The following GOLGB1 variants were observed in gnomAD, a reference collection of about 807,000 sequenced individuals.
The protein encoded by GOLGB1 is golgin B1, also known as golgin subfamily B member 1.
In GOLGB1, 174 loss-of-function variants were observed where a neutral mutation model predicts 336.9. The ratio of observed to expected loss-of-function variants is 0.52; its 90% confidence interval spans 0.46 to 0.59. GOLGB1 has a LOEUF of 0.59. GOLGB1 is among the 20% of genes least tolerant of loss of function. GOLGB1 has a pLI of 0.00. For synonymous variants in GOLGB1, 1,208 were observed against 1,289.2 expected (o/e 0.94, Z 1.35); for missense variants, 3,331 against 3,645.3 (o/e 0.91, Z 2.22).
chr3:121,739,328 A>G (rs575626012), intron 1 of GOLGB1, among the ~76,000 whole-genome samples: 2 of 152,332 alleles, frequency 1.3e-5, no homozygotes, highest in South Asian at 2.1e-4. Context: ...AAGAAAAAAA[A>G]GGAGGAAAAC....
chr3:121,666,858 T>C (rs753216639), intron 20 of GOLGB1, among the ~76,000 whole-genome samples: 4 of 152,190 alleles, frequency 2.6e-5, no homozygotes, highest in Admixed American at 6.5e-5. Context: ...AATAAGGAAC[T>C]AGGGATGTGT....
chr3:121,663,492 C>G lies in GOLGB1; in HGVS notation c.*988G>C, dbSNP rs1028048942. ...TTAATTTTGTCTTCTCTATATTCTC[C>G]TTCCATTGCCACAGAGGGCAGAGAC... On this transcript the variant is annotated 3_prime_UTR_variant, in exon 22 of 22. Coordinates refer to ENST00000614479, the MANE Select transcript of GOLGB1 (RefSeq NM_001366282.2). 4 of 152,210 alleles carry G rather than the reference C, an allele frequency of 2.6e-5. No individual in the cohort carries two copies. The highest frequency in any genetic ancestry group is 9.7e-5 in the African/African-American group (4 of 41,440). The allele number at this position is 152,210 out of a possible 1,614,324, so 9.4% of individuals were successfully genotyped here. A position where few individuals can be genotyped will look rare whatever the true frequency, so the allele number is the denominator to read the frequency against.
In GOLGB1 at chr3:121,694,974, A is replaced by G; in HGVS notation, c.5549T>C (p.Leu1850Pro). Residue 1850 changes from leucine to proline, a missense_variant, in exon 13 of 22, where the codon CTC (leucine) becomes CCC (proline). Leu to Pro is a moderately conservative substitution (Grantham distance 98). Coordinates refer to ENST00000614479, the MANE Select transcript of GOLGB1 (RefSeq NM_001366282.2). ...CTCTAATCCAGCAATTCTTTCTTTG[A>G]GCTGATCAATCTGCTGTAGGTAGTT... ...INNYLQQIDQ[L>P]KERIAGLEEE... The G allele has an allele frequency of 6.2e-7, 1 of 1,613,950 alleles. No homozygotes were observed. The highest frequency in any genetic ancestry group is 8.5e-7 in the Non-Finnish European group (1 of 1,179,974).
chr3:121,714,957 G>T lies in GOLGB1; in HGVS notation c.1308C>A (p.Ser436=). 6.2e-7 allele frequency: 1 copy of T among 1,605,868 alleles called. No individual in the cohort carries two copies. The highest frequency in any genetic ancestry group is 8.5e-7 in the Non-Finnish European group (1 of 1,172,972). ...QQLEDQLQQK[S]KEISQFLNRL... ...TATTTAGAAATTGGCTAATTTCTTT[G>T]GATTTTTGCTGGAGCTGATCTAAGG... The change falls in exon 10 of 22, where the codon TCC becomes TCA. Residue 436 remains serine, a synonymous_variant. Transcript: ENST00000614479.
Position 121,696,673 on chromosome 3 carries a change from C to T in GOLGB1, c.3850G>A (p.Val1284Ile), listed in dbSNP as rs760540528. 4 of 1,614,004 alleles carry T rather than the reference C, an allele frequency of 2.5e-6. No homozygotes were observed. In the African/African-American group the frequency reaches 5.3e-5, roughly 22 times the overall value. ...KATEQHHTQP[V>I]LESNLCPDWP... The stretch of plus-strand genomic sequence containing the variant: ...TCTGGGCACAAGTTGGACTCTAAAA[C>T]AGGTTGAGTGTGATGCTGTTCTGTG... The change falls in exon 13 of 22, where the codon GTT becomes ATT. Residue 1284 changes from valine to isoleucine, a missense_variant. By Grantham distance (29) the Val-to-Ile change is conservative (BLOSUM62 3). Coordinates refer to ENST00000614479, the MANE Select transcript of GOLGB1 (RefSeq NM_001366282.2).
At chr3:121,670,517 T>C (rs183377965) in intron 17 of GOLGB1, among the ~76,000 whole-genome samples, 1 of 152,272 alleles carries the variant, frequency 6.6e-6, no homozygotes, top group Non-Finnish European at 1.5e-5. Flanking sequence ...TGTAGGGTTG[T>C]TTTTTGTGTT....
chr3:121,694,612 TC>T lies in GOLGB1; in HGVS notation c.5910del (p.Ser1971ValfsTer10). 6.2e-7 allele frequency: 1 copy of T among 1,612,226 alleles called. No individual in the cohort carries two copies. The highest frequency in any genetic ancestry group is 8.5e-7 in the Non-Finnish European group (1 of 1,179,964). On this transcript the variant is annotated frameshift_variant, in exon 13 of 22. Coordinates refer to ENST00000614479, the MANE Select transcript of GOLGB1 (RefSeq NM_001366282.2). LOFTEE classifies it high-confidence loss of function. ...ESEMKNLKKC[V>X]SELEEEKQQL... ...TGCTGCTTTTCTTCTTCCAATTCACTCACACACTTTTTAAGGTTCTTCATTT... is the reference window on the plus strand; with the variant it reads ...TGCTGCTTTTCTTCTTCCAATTCACTACACACTTTTTAAGGTTCTTCATTT...
chr3:121,665,121 G>A, intron 20 of GOLGB1, 90 bp from the exon 21 acceptor site: 1 of 746,472 alleles, frequency 1.3e-6, no homozygotes, highest in Admixed American at 2.1e-5. Flanking sequence ...GCCACACAAT[G>A]CAGCACAGGA....
rs368467922 is a variant in GOLGB1, at chr3:121,706,458, C to T, written c.1405-3863G>A. 1.8e-4 allele frequency among the ~76,000 whole-genome samples: 28 copies of T among 151,950 alleles called. No homozygotes were observed. The East Asian group carries it at 3.9e-3, about 21-fold the overall frequency. ...CTTATTAAAAACAAAATGCAAGGGC[C>T]GGGTGCAGTGGCTCATGCCTGTAAT... On this transcript the variant is annotated intron_variant, in intron 10 of 21. Transcript: ENST00000614479.
At chr3:121,680,886 A>G (rs1365273873) in intron 15 of GOLGB1, among the ~76,000 whole-genome samples, 1 of 152,216 alleles carries the variant, frequency 6.6e-6, no homozygotes, top group East Asian at 1.9e-4. Flanking sequence ...AAATACACAC[A>G]TTAAAAAGAT....
In GOLGB1 at chr3:121,694,962, A is replaced by G; in HGVS notation, c.5561T>C (p.Ile1854Thr). ...LQQIDQLKER[I>T]AGLEEEKQKN... is the part of the protein sequence containing the mutation. ...CTGCTTCTCCTCCTCTAATCCAGCA[A>G]TTCTTTCTTTGAGCTGATCAATCTG... Residue 1854 changes from isoleucine to threonine, a missense_variant, in exon 13 of 22, where the codon ATT becomes ACT. Physicochemically the swap from Ile to Thr is moderately conservative, Grantham distance 89. Coordinates refer to ENST00000614479, the MANE Select transcript of GOLGB1 (RefSeq NM_001366282.2). 1.2e-6 allele frequency: 2 copies of G among 1,614,078 alleles called. No homozygotes were observed. The highest frequency in any genetic ancestry group is 1.7e-6 in the Non-Finnish European group (2 of 1,180,006).
intron 17 of GOLGB1, 109 bp from the exon 18 acceptor site, chr3:121,669,464 A>G (rs1192976661): frequency 2.6e-6 from 2 of 775,920 alleles, no homozygotes; most frequent in Non-Finnish European, 4.1e-6. Flanking sequence ...CCTTTGTTTC[A>G]GCAACAGCAA....
chr3:121,727,160 G>A, intron 4 of GOLGB1, 119 bp from the exon 5 acceptor site: 1 of 526,630 alleles, frequency 1.9e-6, no homozygotes, highest in Non-Finnish European at 3.0e-6. Flanking sequence ...ACTGATGGGA[G>A]CAAGAAAAAC....
rs192710162 is a variant in GOLGB1 at position 121,723,396 on chromosome 3, T to C, written c.532-1018A>G. Among the ~76,000 whole-genome samples, 23 of 152,358 alleles carry C rather than the reference T, an allele frequency of 1.5e-4. No homozygotes were observed. In the East Asian group the frequency reaches 4.4e-3, roughly 29 times the overall value. On this transcript the variant is annotated intron_variant, in intron 5 of 21. Coordinates refer to ENST00000614479, the MANE Select transcript of GOLGB1 (RefSeq NM_001366282.2). ...CTATATAACACTGTAATATGTTTAT[T>C]TGTATACTTAATGCAGACAGCATTA...
chr3:121,683,658 C>T (rs1353081276), intron 14 of GOLGB1, among the ~76,000 whole-genome samples: 1 of 151,858 alleles, frequency 6.6e-6, no homozygotes, highest in African/African-American at 2.4e-5. Flanking sequence ...GGAAGAAAAC[C>T]AACTAGAGAA....
chr3:121,695,011 C>G lies in GOLGB1; in HGVS notation c.5512G>C (p.Asp1838His). 1.2e-6 allele frequency: 2 copies of G among 1,614,076 alleles called. No individual in the cohort carries two copies. The highest frequency in any genetic ancestry group is 1.7e-6 in the Non-Finnish European group (2 of 1,179,946). ...PAVSKDFSSH[D>H]EINNYLQQID... ...TGCTGTAGGTAGTTATTAATTTCATCATGTGAGCTGAAATCCTTACTTACA... is the reference window on the plus strand; with the variant it reads ...TGCTGTAGGTAGTTATTAATTTCATGATGTGAGCTGAAATCCTTACTTACA... Residue 1838 changes from aspartate (D) to histidine (H), a missense_variant, in exon 13 of 22, where the codon GAT becomes CAT. Coordinates refer to ENST00000614479, the MANE Select transcript of GOLGB1 (RefSeq NM_001366282.2).
At chr3:121,722,198 T>C (rs1017164797) in intron 6 of GOLGB1, 64 bp downstream of exon 6, 9 of 863,088 alleles carry the variant, frequency 1.0e-5, no homozygotes, top group African/African-American at 1.0e-4. Flanking sequence ...CTCACTGAAT[T>C]GACTTGTGCG....
rs1354717791 is a variant in GOLGB1, at chr3:121,698,098, C to G, written c.2425G>C (p.Glu809Gln). Residue 809 changes from glutamate (E) to glutamine (Q), a missense_variant, in exon 13 of 22, where the codon GAA becomes CAA. Transcript: ENST00000614479. ...LTEQIHSLSI[E>Q]AKSKDVKIEV... ...ATTTTCACATCTTTAGATTTGGCTT[C>G]TATGCTGAGACTATGGATCTGTTCA... 6.2e-7 allele frequency: 1 copy of G among 1,613,990 alleles called. No homozygotes were observed. The highest frequency in any genetic ancestry group is 1.3e-5 in the African/African-American group (1 of 75,054).
At chr3:121,738,592 G>A (rs1320992326) in intron 1 of GOLGB1, among the ~76,000 whole-genome samples, 2 of 152,166 alleles carry the variant, frequency 1.3e-5, no homozygotes, top group African/African-American at 2.4e-5. Context: ...TTACAGAACA[G>A]TAGTTGATAC....
Sources: gnomAD v4.1 joint callset for allele counts (sites outside exome capture counted in the v4.1 genomes callset) on GRCh38, gnomAD v4.1.1 for gene constraint, MANE v1.5 for transcripts, NCBI Gene and HGNC (gene_info 2026-07-23, HGNC 2026-07-21) for gene names.